POLG2: variants seen among roughly 807,000 people sequenced by gnomAD.
POLG2 encodes DNA polymerase gamma 2, accessory subunit, also known as DNA polymerase subunit gamma-2.
In POLG2, 50 loss-of-function variants were observed where a neutral mutation model predicts 56.5. The observed-to-expected ratio is 0.88, with a 90% CI of 0.71 to 1.12. The LOEUF (loss-of-function observed/expected upper bound fraction) is 1.12. Ranked by LOEUF, POLG2 falls within the 50% of genes most tolerant of loss-of-function variation. POLG2 has a pLI of 0.00. For synonymous variants in POLG2, 226 were observed against 222.6 expected, an observed-to-expected ratio of 1.02 and a Z score of -0.14; for missense variants, 584 against 583.3, an observed-to-expected ratio of 1.00 and a Z score of -0.01.
chr17:64,495,273 G>T (rs192049429), intron 1 of POLG2, among the ~76,000 whole-genome samples: 196 of 151,108 alleles, frequency 1.3e-3, no homozygotes, highest in African/African-American at 4.5e-3. Context: ...AAGAAAGTTA[G>T]GAAATATATT....
rs377705425 is a variant in POLG2, at chr17:64,481,326, C to A, written c.1192-937G>T. The stretch of plus-strand genomic sequence containing the variant: ...TCTCCCATCTTCCCAGACCTCTCCA[C>A]AAAAGCCAGGGTCAGAAAGCTGGGG... On this transcript the variant is annotated intron_variant, in intron 6 of 7. Coordinates refer to ENST00000539111, the MANE Select transcript of POLG2 (RefSeq NM_007215.4). The A allele has an allele frequency of 3.5e-4, 349 of 985,370 alleles. No individual in the cohort carries two copies. The African/African-American group carries it at 5.8e-3, about 16-fold the overall frequency. The allele number at this position is 985,370 out of a possible 1,614,324, so 61.0% of individuals were successfully genotyped here. A position where few individuals can be genotyped will look rare whatever the true frequency, so the allele number is the denominator to read the frequency against.
chr17:64,493,276 G>C (rs2038094823), intron 1 of POLG2, among the ~76,000 whole-genome samples: 1 of 151,990 alleles, frequency 6.6e-6, no homozygotes, highest in Non-Finnish European at 1.5e-5. Context: ...AAATAAGCCA[G>C]GCATGGTGGT....
chr17:64,483,014 T>C lies in POLG2; in HGVS notation c.1111-15A>G, dbSNP rs2037887901. ...AGTTTAAGTACCTAAGGCAATTAAA[T>C]GGGGGAGGGAGAAGACAGGAAAGGG... On this transcript the variant is annotated splice_polypyrimidine_tract_variant and intron_variant, in intron 5 of 7. Coordinates refer to ENST00000539111, the MANE Select transcript of POLG2 (RefSeq NM_007215.4). The C allele has an allele frequency of 2.1e-6, 3 of 1,406,176 alleles. No homozygotes were observed. The highest frequency in any genetic ancestry group is 1.4e-5 in the African/African-American group (1 of 70,362). The allele number at this position is 1,406,176 out of a possible 1,614,324, so 87.1% of individuals were successfully genotyped here.
chr17:64,495,688 A>G (rs1178283898), intron 1 of POLG2, among the ~76,000 whole-genome samples: 1 of 152,160 alleles, frequency 6.6e-6, no homozygotes, highest in Non-Finnish European at 1.5e-5. Context: ...CTTGGTTCCT[A>G]ATAACAACTA....
Position 64,492,719 on chromosome 17 carries a change from G to C in POLG2, c.743C>G (p.Ser248Ter), listed in dbSNP as rs1316363979. The change falls in exon 3 of 8, where the codon TCA becomes TGA. Residue 248 changes from serine to a stop codon, truncating the protein, a stop_gained. Coordinates refer to ENST00000539111, the MANE Select transcript of POLG2 (RefSeq NM_007215.4). LOFTEE classifies it high-confidence loss of function. ...SLVWFTPPRT[S>*]NQWLDFWLRH... is the part of the protein sequence containing the mutation. ...TAACCAGAAATCAAGCCACTGGTTT[G>C]AAGTTCTCGGAGGAGTAAACCATAC... 6.2e-7 allele frequency: 1 copy of C among 1,613,178 alleles called. No homozygotes were observed. Among genetic ancestry groups the C allele is most frequent in the Admixed American group, 1.7e-5 (1 of 59,980 alleles).
chr17:64,488,771 C>T (rs1408182017), intron 4 of POLG2, among the ~76,000 whole-genome samples: 1 of 151,932 alleles, frequency 6.6e-6, no homozygotes, highest in Admixed American at 6.6e-5. Context: ...TTAAAAATTC[C>T]AGCCTGGTCA....
chr17:64,485,837 C>T lies in POLG2; in HGVS notation c.1001G>A (p.Cys334Tyr), dbSNP rs782066236. ...GRDGRKNVVP[C>Y]VLSVNGDLDR... ...TAGGTCCCCATTTACAGAGAGAACA[C>T]AAGGAACCACATTTTTTCGTCCATC... is the stretch of plus-strand genomic sequence containing the variant. Residue 334 changes from cysteine (C) to tyrosine (Y), a missense_variant, in exon 5 of 8, where the codon TGT (cysteine) becomes TAT (tyrosine). By Grantham distance (194) the Cys-to-Tyr change is radical. Coordinates refer to ENST00000539111, the MANE Select transcript of POLG2 (RefSeq NM_007215.4). 5 of 1,613,948 alleles carry T rather than the reference C, an allele frequency of 3.1e-6. No homozygotes were observed. The South Asian group carries it at 3.3e-5, about 11-fold the overall frequency.
chr17:64,496,371 G>A (rs782686931), intron 1 of POLG2, 36 bp downstream of exon 1: 3 of 1,404,294 alleles, frequency 2.1e-6, no homozygotes, highest in African/African-American at 1.4e-5. Context: ...CTTTCCACCC[G>A]ACACCTGTTT....
rs782791859 is a variant in POLG2, at chr17:64,492,730, A to G, written c.732T>C (p.Pro244=). 7.4e-6 allele frequency: 12 copies of G among 1,613,386 alleles called. No individual in the cohort carries two copies. The highest frequency in any genetic ancestry group is 1.0e-5 in the Non-Finnish European group (12 of 1,179,666). ...KTEASLVWFT[P]PRTSNQWLDF... ...CAAGCCACTGGTTTGAAGTTCTCGG[A>G]GGAGTAAACCATACTAACGAAGCTT... Residue 244 remains proline (P), a synonymous_variant, in exon 3 of 8, where the codon CCT becomes CCC. Coordinates refer to ENST00000539111, the MANE Select transcript of POLG2 (RefSeq NM_007215.4).
At chr17:64,491,174 G>A (rs781897673) in intron 3 of POLG2, among the ~76,000 whole-genome samples, 2 of 152,118 alleles carry the variant, frequency 1.3e-5, no homozygotes, top group Non-Finnish European at 2.9e-5. Context: ...CCAGGTTAGA[G>A]TGCAGTGGCT....
chr17:64,490,840 G>C lies in POLG2; in HGVS notation c.925C>G (p.His309Asp), dbSNP rs782273469. ...CCAGGATACATGTGTAAAAGTTCGT[G>C]ATCTCCTAGGTTCCACAGGGTTTCT... ...LIETLWNLGD[H>D]ELLHMYPGNV... The change falls in exon 4 of 8, where the codon CAC (histidine) becomes GAC (aspartate). Residue 309 changes from histidine (H) to aspartate (D), a missense_variant. By Grantham distance (81) the His-to-Asp change is moderately conservative. Coordinates refer to ENST00000539111, the MANE Select transcript of POLG2 (RefSeq NM_007215.4). 6.2e-7 allele frequency: 1 copy of C among 1,613,576 alleles called. No homozygotes were observed. The highest frequency in any genetic ancestry group is 8.5e-7 in the Non-Finnish European group (1 of 1,179,486).
At chr17:64,493,136 G>T in intron 1 of POLG2, 115 bp from the exon 2 acceptor site, 1 of 1,190,186 alleles carries the variant, frequency 8.4e-7, no homozygotes, top group Non-Finnish European at 1.2e-6. Context: ...GACAGATGTT[G>T]GCTAAGCTTG....
At chr17:64,481,391 A>T in intron 6 of POLG2, 1 of 985,422 alleles carries the variant, frequency 1.0e-6, no homozygotes, top group Non-Finnish European at 1.2e-6. Context: ...GTCCGCATTC[A>T]GGTCTGGGCT....
At chr17:64,487,313 T>G (rs1047333838) in intron 4 of POLG2, 6 of 152,242 alleles carry the variant, frequency 3.9e-5, no homozygotes, top group Admixed American at 2.6e-4. Context: ...GTCGAACTGA[T>G]AGTTAATAAG....
chr17:64,483,782 C>A (rs1277822650), intron 5 of POLG2, among the ~76,000 whole-genome samples: 1 of 151,400 alleles, frequency 6.6e-6, no homozygotes, highest in Non-Finnish European at 1.5e-5. Context: ...CCACTCACTG[C>A]CTCACTGCAA....
intron 3 of POLG2, chr17:64,491,494 A>G: frequency 1.4e-6 from 2 of 1,392,858 alleles, no homozygotes; most frequent in Non-Finnish European, 1.0e-6. Context: ...CGGGCAAAAG[A>G]GTGAGACTAT....
In POLG2 at chr17:64,490,064, A is replaced by G. The variant is rs545596449; in HGVS notation, c.969+732T>C. 2.6e-5 allele frequency among the ~76,000 whole-genome samples: 4 copies of G among 152,154 alleles called. No homozygotes were observed. In the South Asian group the frequency reaches 6.2e-4, roughly 24 times the overall value. On this transcript the variant is annotated intron_variant, in intron 4 of 7. Transcript: ENST00000539111. ...CTCAGCCTCCCAAGTAGCTGAGACTATAAGGGCAAGCCACCACATCCAGCT... is the reference window on the plus strand; with the variant it reads ...CTCAGCCTCCCAAGTAGCTGAGACTGTAAGGGCAAGCCACCACATCCAGCT...
chr17:64,480,267 T>C (rs1555666223), intron 7 of POLG2, 22 bp downstream of exon 7: 28 of 1,131,230 alleles, frequency 2.5e-5, no homozygotes, highest in Non-Finnish European at 3.6e-5. Context: ...AATACACTCT[T>C]TAATGAAAAT....
At chr17:64,478,405 A>G (rs1467461394) in intron 7 of POLG2, among the ~76,000 whole-genome samples, 1 of 152,200 alleles carries the variant, frequency 6.6e-6, no homozygotes, top group East Asian at 1.9e-4. Flanking sequence ...TACCAAAATC[A>G]TGTTTCCTTT....
Sources: gnomAD v4.1 joint callset for allele counts (sites outside exome capture counted in the v4.1 genomes callset) on GRCh38, gnomAD v4.1.1 for gene constraint, MANE v1.5 for transcripts, NCBI Gene and HGNC (gene_info 2026-07-23, HGNC 2026-07-21) for gene names.